The following NYAP2 variants were observed in gnomAD, a reference collection of about 807,000 sequenced individuals.
The protein encoded by NYAP2 is neuronal tyrosine-phosphorylated phosphoinositide-3-kinase adaptor 2.
A neutral mutation model predicts 50.4 loss-of-function variants in NYAP2; 23 were observed. That is an observed-to-expected ratio of 0.46 (90% CI 0.33 to 0.65). The LOEUF is 0.65. Ranked by LOEUF, NYAP2 falls within the 30% of genes least tolerant of loss-of-function variation. The probability of loss-of-function intolerance (pLI) is 0.02; values close to 1 mark genes in which losing one functional copy is unlikely to be tolerated. For missense variants in NYAP2, 885 were observed against 861.0 expected (o/e 1.03, Z -0.35); for synonymous variants, 394 against 365.2 (o/e 1.08, Z -0.90).
chr2:225,433,966 A>G (rs570564427), intron 3 of NYAP2, among the ~76,000 whole-genome samples: 2 of 152,136 alleles, frequency 1.3e-5, no homozygotes, highest in Non-Finnish European at 2.9e-5. Flanking sequence ...AATGGCATGT[A>G]TCTCTATAAT....
At chr2:225,634,025 T>C (rs1383678792) in intron 6 of NYAP2, among the ~76,000 whole-genome samples, 1 of 152,138 alleles carries the variant, frequency 6.6e-6, no homozygotes, top group Non-Finnish European at 1.5e-5. Context: ...TGGCTTTTAT[T>C]TTCCAGAAGC....
At chr2:225,532,021 G>A (rs13392113) in intron 4 of NYAP2, among the ~76,000 whole-genome samples, 32,354 of 152,062 alleles carry the variant, frequency 0.21, 3,437 homozygotes, top group East Asian at 0.23. Context: ...TTTATATAAG[G>A]TTAAAGAATA....
chr2:225,512,932 A>G (rs1690859398), intron 3 of NYAP2, among the ~76,000 whole-genome samples: 1 of 143,470 alleles, frequency 7.0e-6, no homozygotes. Context: ...TTTCTTTCGT[A>G]ACAGAACATT....
intron 5 of NYAP2, among the ~76,000 whole-genome samples, chr2:225,585,209 A>C (rs1347793165): frequency 6.6e-6 from 1 of 152,220 alleles, no homozygotes; most frequent in Non-Finnish European, 1.5e-5. Flanking sequence ...AAGAGAAAAT[A>C]TTTTTTAAAC....
intron 4 of NYAP2, among the ~76,000 whole-genome samples, chr2:225,541,210 T>C (rs1691464857): frequency 6.6e-6 from 1 of 152,196 alleles, no homozygotes; most frequent in Non-Finnish European, 1.5e-5. Context: ...AGGTGGATAG[T>C]TTGCAAATAT....
rs148820715 is a variant in NYAP2, at chr2:225,429,402, C to T, written c.221+20301C>T. Among the ~76,000 whole-genome samples the T allele has an allele frequency of 5.3e-5, 8 of 152,288 alleles. No homozygotes were observed. The East Asian group carries it at 1.2e-3, about 22-fold the overall frequency. On this transcript the variant is annotated intron_variant, in intron 3 of 6. Coordinates refer to ENST00000636099, the Ensembl canonical transcript of NYAP2. ...CTGGTACTTGGGACAGCTTTCACAT[C>T]GGATCCGTAATAGTGTCTTCAGATT... is the stretch of plus-strand genomic sequence containing the variant.
At chr2:225,440,858 T>G (rs1429294008) in intron 3 of NYAP2, among the ~76,000 whole-genome samples, 1 of 152,140 alleles carries the variant, frequency 6.6e-6, no homozygotes, top group Admixed American at 6.5e-5. Context: ...TTGGATGAAT[T>G]GCCCTGATAA....
Position 225,641,856 on chromosome 2 carries a change from AT to A in NYAP2, c.1829-9564del, listed in dbSNP as rs1430218169. Among the ~76,000 whole-genome samples, 577 of 147,488 alleles carry A rather than the reference AT, an allele frequency of 3.9e-3. 3 individuals are homozygous for A. The highest frequency in any genetic ancestry group is 0.011 in the African/African-American group (459 of 40,470). Reference sequence around the variant, plus strand: ...AAGAAAACTAGTCAATGTAATTTAGATTTTTTTTTTTTCTGGAAACATGGGG... The same window carrying A: ...AAGAAAACTAGTCAATGTAATTTAGATTTTTTTTTTTCTGGAAACATGGGG... On this transcript the variant is annotated intron_variant, in intron 6 of 6. Coordinates refer to ENST00000636099, the Ensembl canonical transcript of NYAP2.
At chr2:225,500,415 C>T (rs989000404) in intron 3 of NYAP2, among the ~76,000 whole-genome samples, 5 of 152,178 alleles carry the variant, frequency 3.3e-5, no homozygotes, top group African/African-American at 1.2e-4. Flanking sequence ...TCCGTAAATA[C>T]ATGGCTAGGA....
intron 4 of NYAP2, among the ~76,000 whole-genome samples, chr2:225,553,229 C>A (rs1213289643): frequency 3.3e-5 from 5 of 152,216 alleles, no homozygotes; most frequent in Non-Finnish European, 7.3e-5. Flanking sequence ...AAACTGGAAC[C>A]AAATGCTACC....
intron 2 of NYAP2, among the ~76,000 whole-genome samples, chr2:225,405,902 A>C (rs1694933031): frequency 6.6e-6 from 1 of 151,986 alleles, no homozygotes; most frequent in Non-Finnish European, 1.5e-5. Context: ...AGGAAGTTGC[A>C]CTACAATAAA....
At chr2:225,548,093 C>T (rs1691615072) in intron 4 of NYAP2, among the ~76,000 whole-genome samples, 1 of 151,530 alleles carries the variant, frequency 6.6e-6, no homozygotes, top group Admixed American at 6.6e-5. Flanking sequence ...TAATTTTTAC[C>T]ATTATATACC....
At chr2:225,617,099 A>G (rs1049542173) in intron 5 of NYAP2, among the ~76,000 whole-genome samples, 3 of 152,190 alleles carry the variant, frequency 2.0e-5, no homozygotes, top group African/African-American at 4.8e-5. Flanking sequence ...ATCAGAGCCC[A>G]TATTTTGTAA....
At chr2:225,546,412 C>T (rs369670630) in intron 4 of NYAP2, among the ~76,000 whole-genome samples, 1 of 152,068 alleles carries the variant, frequency 6.6e-6, no homozygotes, top group Non-Finnish European at 1.5e-5. Flanking sequence ...AATGTCCTTT[C>T]CATTCTTCCC....
At chr2:225,678,968 A>C in the NYAP2 span, among the ~76,000 whole-genome samples, 1 of 152,202 alleles carries the variant, frequency 6.6e-6, no homozygotes, top group Non-Finnish European at 1.5e-5. Flanking sequence ...AATTTATGAT[A>C]AAGTAGATTG....
intron 4 of NYAP2, among the ~76,000 whole-genome samples, chr2:225,531,203 G>T (rs1691248850): frequency 6.6e-6 from 1 of 152,102 alleles, no homozygotes; most frequent in Non-Finnish European, 1.5e-5. Flanking sequence ...TGCCAACCAT[G>T]CCTCTTACAG....
chr2:225,666,230 G>A, the NYAP2 span, among the ~76,000 whole-genome samples: 1 of 151,956 alleles, frequency 6.6e-6, no homozygotes, highest in South Asian at 2.1e-4. Context: ...ACCTTCTCTT[G>A]CACCACCAAG....
At chr2:225,573,589 G>T (rs1045408944) in intron 4 of NYAP2, among the ~76,000 whole-genome samples, 1 of 152,062 alleles carries the variant, frequency 6.6e-6, no homozygotes, top group African/African-American at 2.4e-5. Context: ...TGAGTTGTTG[G>T]CTTATATGGG....
At chr2:225,493,118 T>A (rs551208181) in intron 3 of NYAP2, among the ~76,000 whole-genome samples, 15 of 151,990 alleles carry the variant, frequency 9.9e-5, no homozygotes, top group Admixed American at 2.0e-4. Context: ...AACAAATAGC[T>A]GGGACTACAG....
Sources: gnomAD v4.1 joint callset for allele counts (sites outside exome capture counted in the v4.1 genomes callset) on GRCh38, gnomAD v4.1.1 for gene constraint, MANE v1.5 for transcripts, NCBI Gene and HGNC (gene_info 2026-07-23, HGNC 2026-07-21) for gene names.